Variants in WWC1 observed in about 807,000 individuals in gnomAD.
WWC1 encodes the protein WW and C2 domain containing 1.
In WWC1, 55 loss-of-function variants were observed where a neutral mutation model predicts 138.4. That is an observed-to-expected ratio of 0.40 (90% CI 0.32 to 0.50). The LOEUF (loss-of-function observed/expected upper bound fraction) is 0.50. Among genes scored for constraint, WWC1 ranks in the 20% least tolerant of loss-of-function variants. The pLI is 0.72. For missense variants in WWC1, 1,226 were observed against 1,420.4 expected, an observed-to-expected ratio of 0.86 and a Z score of 2.20; for synonymous variants, 524 against 564.9, an observed-to-expected ratio of 0.93 and a Z score of 1.03.
intron 1 of WWC1, among the ~76,000 whole-genome samples, chr5:168,355,914 AAGAG>A (rs1775369078): frequency 1.6e-5 from 1 of 63,204 alleles, no homozygotes; most frequent in South Asian, 6.0e-4. Flanking sequence ...GGGAAGGAAC[AAGAG>A]AGAGAAAGAG....
Position 168,414,799 on chromosome 5 carries a change from T to C in WWC1, c.1184+209T>C, listed in dbSNP as rs866917276. 16 of 683,684 alleles carry C rather than the reference T, an allele frequency of 2.3e-5. 1 individual carries two copies. In the South Asian group the frequency reaches 3.7e-4, roughly 16 times the overall value. 42.4% of individuals were successfully genotyped at this position (683,684 alleles called of 1,614,324 possible). ...CCAGCTACCCTGGAATTTTGCATGGTGAATCATGCTACCAAAAAGTCTGCT... is the reference window on the plus strand; with the variant it reads ...CCAGCTACCCTGGAATTTTGCATGGCGAATCATGCTACCAAAAAGTCTGCT... On this transcript the variant is annotated intron_variant, in intron 9 of 22. Transcript: ENST00000265293.
intron 5 of WWC1, among the ~76,000 whole-genome samples, chr5:168,403,391 C>G (rs986741194): frequency 6.6e-6 from 1 of 152,114 alleles, no homozygotes; most frequent in Non-Finnish European, 1.5e-5. Flanking sequence ...GCCACCGTGC[C>G]CAGCCAGCTC....
intron 1 of WWC1, among the ~76,000 whole-genome samples, chr5:168,359,375 C>T (rs549936904): frequency 6.6e-6 from 1 of 152,276 alleles, no homozygotes; most frequent in East Asian, 1.9e-4. Flanking sequence ...GAGTTTTTTA[C>T]CTAATATGTG....
intron 19 of WWC1, among the ~76,000 whole-genome samples, chr5:168,458,598 A>G (rs1300471650): frequency 1.3e-5 from 2 of 152,202 alleles, no homozygotes; most frequent in South Asian, 2.1e-4. Context: ...CTGAAGTGCT[A>G]CCACATTTGT....
intron 6 of WWC1, among the ~76,000 whole-genome samples, chr5:168,406,670 G>A (rs1407142966): frequency 2.6e-5 from 4 of 152,130 alleles, no homozygotes; most frequent in South Asian, 2.1e-4. Flanking sequence ...GGCCGGGCGC[G>A]GTGGCTCACG....
In WWC1 at chr5:168,431,457, T is replaced by TCTGGCTGG. The variant is rs11279828; in HGVS notation, c.2280+53_2280+60dup. On this transcript the variant is annotated intron_variant, in intron 15 of 22. Coordinates refer to ENST00000265293, the MANE Select transcript of WWC1 (RefSeq NM_015238.3). ...GGAAGAGTGCCTGGTAAGGGCCGTG[T>TCTGGCTGG]CTGGCTGGCTGGCTGGCTGGCTGGC... The TCTGGCTGG allele has an allele frequency of 1.4e-4, 194 of 1,414,552 alleles. No individual in the cohort carries two copies. The highest frequency in any genetic ancestry group is 1.2e-3 in the East Asian group (49 of 41,054). 87.6% of individuals were successfully genotyped at this position (1,414,552 alleles called of 1,614,324 possible).
intron 8 of WWC1, chr5:168,411,569 C>T (rs1164394913): frequency 6.6e-6 from 1 of 152,222 alleles, no homozygotes; most frequent in African/African-American, 2.4e-5. Context: ...GTTACCCAGA[C>T]TCAGTCTCTC....
At chr5:168,422,902 T>C (rs1781208104) in intron 10 of WWC1, among the ~76,000 whole-genome samples, 1 of 152,044 alleles carries the variant, frequency 6.6e-6, no homozygotes, top group African/African-American at 2.4e-5. Flanking sequence ...TCCTACCACT[T>C]TGGGAGGCCG....
intron 17 of WWC1, among the ~76,000 whole-genome samples, chr5:168,448,908 C>T (rs758357597): frequency 7.2e-5 from 11 of 152,248 alleles, no homozygotes; most frequent in Admixed American, 2.6e-4. Flanking sequence ...CATGAGCCAC[C>T]GCACCCAGCT....
intron 1 of WWC1, among the ~76,000 whole-genome samples, chr5:168,364,081 T>C (rs1776101702): frequency 6.6e-6 from 1 of 152,058 alleles, no homozygotes. Context: ...CACTAGATAC[T>C]GTATAGGTTA....
chr5:168,371,289 G>A, intron 1 of WWC1, 135 bp from the exon 2 acceptor site: 1 of 619,974 alleles, frequency 1.6e-6, no homozygotes, highest in Non-Finnish European at 2.9e-6. Context: ...GGACAACAGA[G>A]CTGGTGCTGC....
chr5:168,450,286 A>G (rs1755681151), intron 17 of WWC1, among the ~76,000 whole-genome samples: 2 of 152,176 alleles, frequency 1.3e-5, no homozygotes, highest in South Asian at 2.1e-4. Flanking sequence ...TTTAAGGACT[A>G]TCACCAAAAG....
At chr5:168,400,163 GTCT>G (rs768565686) in intron 5 of WWC1, among the ~76,000 whole-genome samples, 34 of 152,150 alleles carry the variant, frequency 2.2e-4, no homozygotes, top group African/African-American at 4.8e-4. Flanking sequence ...GCTCCGTTGT[GTCT>G]TCTTCTTCTT....
chr5:168,465,936 GC>G (rs1335245894), intron 21 of WWC1, among the ~76,000 whole-genome samples: 1 of 152,112 alleles, frequency 6.6e-6, no homozygotes, highest in Non-Finnish European at 1.5e-5. Flanking sequence ...GGGGGCTACT[GC>G]CCAGTGTGGA....
At position 168,454,159 on chromosome 5, in the gene WWC1, G is replaced by A. The variant is rs573054985; in HGVS notation, c.2658+59G>A. The stretch of plus-strand genomic sequence containing the variant: ...TGGGGAAGGAACCTTCAATCCTTGT[G>A]CCGAGGCAGTCAGAAAAGACTCAGA... On this transcript the variant is annotated intron_variant, in intron 18 of 22. Transcript: ENST00000265293. 2.0e-5 allele frequency: 31 copies of A among 1,581,452 alleles called. No individual in the cohort carries two copies. In the African/African-American group the frequency reaches 3.6e-4, roughly 18 times the overall value.
chr5:168,453,874 A>C (rs1408846232), intron 17 of WWC1, 94 bp from the exon 18 acceptor site: 1 of 1,564,698 alleles, frequency 6.4e-7, no homozygotes, highest in Admixed American at 2.2e-5. Flanking sequence ...CAATCATCAA[A>C]AGGATTGGAA....
intron 1 of WWC1, among the ~76,000 whole-genome samples, chr5:168,349,068 G>T (rs1360466454): frequency 1.3e-5 from 2 of 152,126 alleles, no homozygotes; most frequent in Non-Finnish European, 2.9e-5. Context: ...TTCAAGAGCT[G>T]GCAGGTGACA....
intron 1 of WWC1, among the ~76,000 whole-genome samples, chr5:168,333,097 G>A (rs942907358): frequency 2.0e-5 from 3 of 152,180 alleles, no homozygotes; most frequent in Non-Finnish European, 4.4e-5. Flanking sequence ...TCTGGGGATG[G>A]CACCCCCGGT....
intron 3 of WWC1, among the ~76,000 whole-genome samples, chr5:168,396,428 T>C (rs1401886764): frequency 2.0e-5 from 3 of 152,076 alleles, no homozygotes; most frequent in Admixed American, 1.3e-4. Context: ...TCTCAGCAGG[T>C]GATTTGGCTA....
Sources: allele counts gnomAD v4.1 joint callset (sites outside exome capture counted in the v4.1 genomes callset), GRCh38; gene constraint gnomAD v4.1.1; transcripts MANE v1.5; gene names NCBI Gene and HGNC (gene_info 2026-07-23, HGNC 2026-07-21).